Variants in LAMA5 observed in about 807,000 individuals in gnomAD.
LAMA5 encodes laminin subunit alpha-5.
A neutral mutation model predicts 433.4 loss-of-function variants in LAMA5; 260 were observed. The ratio of observed to expected loss-of-function variants is 0.60; its 90% confidence interval spans 0.54 to 0.66. The LOEUF (loss-of-function observed/expected upper bound fraction) is 0.66. LAMA5 is among the 30% of genes least tolerant of loss of function. The pLI, the probability that LAMA5 is intolerant of heterozygous loss-of-function variation, is 0.00. For synonymous variants in LAMA5, 2,620 were observed against 2,226.6 expected (o/e 1.18, Z -4.97); for missense variants, 5,378 against 5,258.5 (o/e 1.02, Z -0.70).
chr20:62,333,033 GC>G, intron 26 of LAMA5, 56 bp downstream of exon 26: 1 of 1,419,408 alleles, frequency 7.0e-7, no homozygotes, highest in East Asian at 2.6e-5. Flanking sequence ...AGGACCCCCA[GC>G]CCCCAGGCCA....
At chr20:62,343,741 AC>A (rs1218846941) in intron 11 of LAMA5, among the ~76,000 whole-genome samples, 1 of 124,632 alleles carries the variant, frequency 8.0e-6, no homozygotes, top group Non-Finnish European at 1.6e-5. Flanking sequence ...GCAGCATTGC[AC>A]TCCAGCCTGG....
In LAMA5 at chr20:62,310,029, C is replaced by G. The variant is rs750461375; in HGVS notation, c.10787G>C (p.Arg3596Pro). The change falls in exon 78 of 80, where the codon CGC becomes CCC. Residue 3596 changes from arginine (R) to proline (P), a missense_variant. Coordinates refer to ENST00000252999, the MANE Select transcript of LAMA5 (RefSeq NM_005560.6). ...CTGGCCATCACACAGCACTGAGGGG[C>G]GGGTCACTGACGTGGAGAACTCCCC... ...GAGEFSTSVTRPSVLCDGQWH... is the reference protein window; with the variant it reads ...GAGEFSTSVTPPSVLCDGQWH... The G allele has an allele frequency of 1.2e-6, 2 of 1,611,262 alleles. No individual in the cohort carries two copies. Among genetic ancestry groups the G allele is most frequent in the South Asian group, 1.1e-5 (1 of 91,062 alleles).
At chr20:62,316,498 C>T (rs1008956304) in intron 57 of LAMA5, among the ~76,000 whole-genome samples, 173 bp downstream of exon 57, 1 of 152,134 alleles carries the variant, frequency 6.6e-6, no homozygotes, top group Non-Finnish European at 1.5e-5. Flanking sequence ...CCCTGCAGGG[C>T]TCCCCGGGGC....
chr20:62,311,872 G>C, intron 70 of LAMA5, 48 bp downstream of exon 70: 1 of 1,572,744 alleles, frequency 6.4e-7, no homozygotes, highest in Non-Finnish European at 8.6e-7. Flanking sequence ...AAGTGCAGGC[G>C]GGCGTCCCTC....
chr20:62,350,665 G>A (rs1176228967), intron 6 of LAMA5, among the ~76,000 whole-genome samples: 2 of 152,136 alleles, frequency 1.3e-5, no homozygotes, highest in South Asian at 2.1e-4. Flanking sequence ...GGGGGTCCAG[G>A]AGCCTCGTCA....
chr20:62,340,993 C>T (rs969997537), intron 11 of LAMA5, among the ~76,000 whole-genome samples: 7 of 151,684 alleles, frequency 4.6e-5, no homozygotes, highest in African/African-American at 7.3e-5. Flanking sequence ...GAGCCGAGAT[C>T]GTGCAACTGG....
chr20:62,320,586 C>T lies in LAMA5; in HGVS notation c.6732G>A (p.Gly2244=), dbSNP rs1328967886. Residue 2244 remains glycine (G), a synonymous_variant, in exon 50 of 80, where the codon GGG becomes GGA. Coordinates refer to ENST00000252999, the MANE Select transcript of LAMA5 (RefSeq NM_005560.6). ...EVLEQQSTSL[G]QDARRLGGQA... ...GGCCGCCTAGCCGCCGTGCGTCCTG[C>T]CCGAGGCTTGTGCTCTGCTGCTCCA... 1 of 1,603,188 alleles carries T rather than the reference C, an allele frequency of 6.2e-7. No individual in the cohort carries two copies. Among genetic ancestry groups the T allele is most frequent in the East Asian group, 2.2e-5 (1 of 44,732 alleles).
At position 62,335,067 on chromosome 20, in the gene LAMA5, C is replaced by T. The variant is rs375974849; in HGVS notation, c.2436G>A (p.Lys812=). The part of the protein sequence containing the change: ...HVCGQACASC[K]DGFFGLDQAD... ...CCTGATCCAGTCCAAAGAAGCCATC[C>T]TTGCAGGACGCGCAGGCCTGGCCGC... is the stretch of plus-strand genomic sequence containing the variant. The change falls in exon 20 of 80, where the codon AAG becomes AAA. Residue 812 remains lysine, a synonymous_variant. Coordinates refer to ENST00000252999, the MANE Select transcript of LAMA5 (RefSeq NM_005560.6). 75 of 1,613,028 alleles carry T rather than the reference C, an allele frequency of 4.6e-5. No individual in the cohort carries two copies. The African/African-American group carries it at 4.8e-4, about 10-fold the overall frequency.
In LAMA5 at chr20:62,317,125, G is replaced by A. The variant is rs186931529; in HGVS notation, c.7512-102C>T. 3.4e-4 allele frequency: 444 copies of A among 1,318,638 alleles called. 14 individuals are homozygous for A. In the Admixed American group the frequency reaches 0.012, roughly 36 times the overall value. 81.7% of individuals were successfully genotyped at this position (1,318,638 alleles called of 1,614,324 possible). On this transcript the variant is annotated intron_variant, in intron 55 of 79. Coordinates refer to ENST00000252999, the MANE Select transcript of LAMA5 (RefSeq NM_005560.6). ...CAACCAGCCGTGCCCGTGCCTGCCCGCCAAGTCCCGCCTCCAGGTCTTTGC... is the reference window on the plus strand; with the variant it reads ...CAACCAGCCGTGCCCGTGCCTGCCCACCAAGTCCCGCCTCCAGGTCTTTGC...
At chr20:62,319,567 C>T in intron 51 of LAMA5, 117 bp downstream of exon 51, 1 of 700,204 alleles carries the variant, frequency 1.4e-6, no homozygotes, top group Non-Finnish European at 2.4e-6. Context: ...CGTCGTCTCC[C>T]ATCTAAAAGA....
intron 58 of LAMA5, 78 bp downstream of exon 58, chr20:62,315,870 A>C (rs1986880508): frequency 1.8e-6 from 2 of 1,123,494 alleles, no homozygotes; most frequent in South Asian, 2.8e-5. Flanking sequence ...AGTGCTCACC[A>C]ACCACATGTG....
rs746080615 is a variant in LAMA5, at chr20:62,309,850, G to C, written c.10829-15C>G. On this transcript the variant is annotated splice_polypyrimidine_tract_variant and intron_variant, in intron 78 of 79. Transcript: ENST00000252999. ...GCTTTTCATCACTGGGAGAAAGGGG[G>C]ACTCCTGAGGCCAGGTGGTCCTCAG... 2 of 1,611,026 alleles carry C rather than the reference G, an allele frequency of 1.2e-6. No homozygotes were observed. The highest frequency in any genetic ancestry group is 1.1e-5 in the South Asian group (1 of 91,044).
At position 62,331,100 on chromosome 20, in the gene LAMA5, C is replaced by T. The variant is rs141656255; in HGVS notation, c.3582G>A (p.Glu1194=). 12 of 1,603,318 alleles carry T rather than the reference C, an allele frequency of 7.5e-6. No homozygotes were observed. The highest frequency in any genetic ancestry group is 1.0e-5 in the Non-Finnish European group (12 of 1,175,390). The change falls in exon 29 of 80, where the codon GAG becomes GAA. Residue 1194 remains glutamate, a synonymous_variant. Coordinates refer to ENST00000252999, the MANE Select transcript of LAMA5 (RefSeq NM_005560.6). ...LHGVTLVPIE[E]FSPEFVEPRV... is the part of the protein sequence containing the mutation. ...GGGGCTCCACGAACTCCGGGCTGAACTCCTCAATGGGCACCAGAGTGACCC... is the reference window on the plus strand; with the variant it reads ...GGGGCTCCACGAACTCCGGGCTGAATTCCTCAATGGGCACCAGAGTGACCC...
At chr20:62,366,883 G>A (rs1986791408) in intron 1 of LAMA5, 66 bp downstream of exon 1, 10 of 1,229,940 alleles carry the variant, frequency 8.1e-6, no homozygotes, top group Non-Finnish European at 9.1e-6. Context: ...CTCCCCCTGG[G>A]GTCGGGCCGG....
chr20:62,366,393 G>A (rs1174227260), intron 1 of LAMA5, among the ~76,000 whole-genome samples: 2 of 152,200 alleles, frequency 1.3e-5, no homozygotes, highest in Non-Finnish European at 2.9e-5. Context: ...CAGAGATGCT[G>A]CCCCTCCTGG....
chr20:62,366,869 G>A (rs1986788603), intron 1 of LAMA5, 80 bp downstream of exon 1: 3 of 1,186,618 alleles, frequency 2.5e-6, no homozygotes, highest in South Asian at 4.3e-5. Context: ...CCCGGGCCAC[G>A]GCGCTCCCCC....
rs549651983 is a variant in LAMA5, at chr20:62,351,163, C to T, written c.956+541G>A. On this transcript the variant is annotated intron_variant, in intron 6 of 79. Transcript: ENST00000252999. ...GTGTTGGCTGCCCCCACCCTGCCAT[C>T]CCCGTCCTGGGCCTTGGTCCCTGCT... 105 of 169,010 alleles carry T rather than the reference C, an allele frequency of 6.2e-4. No homozygotes were observed. The East Asian group carries it at 0.015, about 25-fold the overall frequency. 10.5% of individuals were successfully genotyped at this position (169,010 alleles called of 1,614,324 possible). A position where few individuals can be genotyped will look rare whatever the true frequency, so the allele number is the denominator to read the frequency against.
In LAMA5 at chr20:62,313,119, T is replaced by C. The variant is rs368649797; in HGVS notation, c.8924A>G (p.Tyr2975Cys). 2.7e-5 allele frequency: 44 copies of C among 1,608,712 alleles called. No individual in the cohort carries two copies. Among genetic ancestry groups the C allele is most frequent in the Admixed American group, 5.0e-5 (3 of 59,938 alleles). The change falls in exon 65 of 80, where the codon TAC becomes TGC. Residue 2975 changes from tyrosine to cysteine, a missense_variant. Transcript: ENST00000252999. ...CTTCAGGAAGAAGAGCACCCCGCTGTAGGACACGAGCCGCAGCTCCTGCTC... is the reference window on the plus strand; with the variant it reads ...CTTCAGGAAGAAGAGCACCCCGCTGCAGGACACGAGCCGCAGCTCCTGCTC... ...RFEQELRLVSYSGVLFFLKQQ... is the reference protein window; with the variant it reads ...RFEQELRLVSCSGVLFFLKQQ...
rs778471372 is a variant in LAMA5 at position 62,324,418 on chromosome 20, T to A, written c.5643+23A>T. ...GTGCCTTCAGTGAATGCTGCCCCCC[T>A]GGCCCCACCAGCCCCTACTCACCAC... On this transcript the variant is annotated intron_variant, in intron 42 of 79. Coordinates refer to ENST00000252999, the MANE Select transcript of LAMA5 (RefSeq NM_005560.6). The surrounding 1 kb of genome is among the most constrained non-coding windows in gnomAD (Gnocchi z 4.4). 6.3e-7 allele frequency: 1 copy of A among 1,577,386 alleles called. No individual in the cohort carries two copies. The highest frequency in any genetic ancestry group is 1.7e-5 in the Admixed American group (1 of 58,792).
Sources: allele counts gnomAD v4.1 joint callset (sites outside exome capture counted in the v4.1 genomes callset), GRCh38; gene constraint gnomAD v4.1.1; non-coding constraint Gnocchi (gnomAD v3.1); transcripts MANE v1.5; gene names NCBI Gene and HGNC (gene_info 2026-07-23, HGNC 2026-07-21).